The following DYSF variants were observed in gnomAD, a reference collection of about 807,000 sequenced individuals.
DYSF encodes dysferlin, also known as dystrophy-associated fer-1-like 1.
A neutral mutation model predicts 274.9 loss-of-function variants in DYSF; 212 were observed. The ratio of observed to expected loss-of-function variants is 0.77; its 90% CI spans 0.69 to 0.86. The LOEUF (loss-of-function observed/expected upper bound fraction) is 0.86, where lower values mean the gene tolerates loss of function less well. Among genes scored for constraint, DYSF ranks in the 40% least tolerant of loss-of-function variants. The pLI is 0.00. For missense variants in DYSF, 2,666 were observed against 2,783.2 expected, an observed-to-expected ratio of 0.96 and a Z score of 0.95; for synonymous variants, 1,091 against 1,078.7, an observed-to-expected ratio of 1.01 and a Z score of -0.22.
At chr2:71,629,205 A>G (rs573410514) in intron 41 of DYSF, among the ~76,000 whole-genome samples, 3 of 152,108 alleles carry the variant, frequency 2.0e-5, no homozygotes, top group African/African-American at 7.2e-5. Flanking sequence ...TGTTCACTTG[A>G]TCTTTAGCAG....
chr2:71,602,563 C>G (rs1215538344), intron 35 of DYSF: 2 of 543,026 alleles, frequency 3.7e-6, no homozygotes, highest in African/African-American at 3.8e-5. Flanking sequence ...ATCACACCTT[C>G]TTTCCCAGGG....
At chr2:71,492,302 C>A (rs2083922522) in intron 3 of DYSF, among the ~76,000 whole-genome samples, 1 of 152,190 alleles carries the variant, frequency 6.6e-6, no homozygotes, top group Non-Finnish European at 1.5e-5. Flanking sequence ...TCCTGCCCCT[C>A]ACTGCCTGGC....
In DYSF at chr2:71,571,715, A is replaced by T. The variant is rs573574232; in HGVS notation, c.3228+974A>T. Among the ~76,000 whole-genome samples, 460 of 137,530 alleles carry T rather than the reference A, an allele frequency of 3.3e-3. 3 individuals are homozygous for T. The highest frequency in any genetic ancestry group is 4.2e-3 in the Non-Finnish European group (268 of 64,122). The allele number at this position is 137,530 out of a possible 152,430, so 90.2% of individuals were successfully genotyped here. On this transcript the variant is annotated intron_variant, in intron 29 of 55. Transcript: ENST00000410020. ...CACATGCACAGATCACAGTCAGCAC[A>T]CACAGATCACACCCAGCACACACAC...
At chr2:71,552,513 G>A (rs1340166940) in intron 19 of DYSF, among the ~76,000 whole-genome samples, 1 of 152,222 alleles carries the variant, frequency 6.6e-6, no homozygotes, top group Admixed American at 6.5e-5. Flanking sequence ...CTCAGAGCCT[G>A]GAGGGGACAA....
chr2:71,664,246 C>T (rs756926505), intron 45 of DYSF, 22 bp from the exon 46 acceptor site: 39 of 1,613,554 alleles, frequency 2.4e-5, no homozygotes, highest in African/African-American at 1.2e-4. Context: ...TGGCTGACAT[C>T]GGGAATCTGC....
rs2092325617 is a variant in DYSF at position 71,569,920 on chromosome 2, A to G, written c.2965A>G (p.Asn989Asp). The change falls in exon 27 of 56, where the codon AAC becomes GAC. Residue 989 changes from asparagine (N) to aspartate (D), a missense_variant. Asn to Asp is a conservative substitution (Grantham distance 23). Transcript: ENST00000410020. ...AGGCCAGTGGATCTACATGAGTGAC[A>G]ACTACACCGATGTGGTAAAGCAGGC... ...PGGQWIYMSD[N>D]YTDVNGEKVL... The G allele has an allele frequency of 6.2e-7, 1 of 1,613,948 alleles. No homozygotes were observed. The highest frequency in any genetic ancestry group is 8.5e-7 in the Non-Finnish European group (1 of 1,179,984).
intron 55 of DYSF, 26 bp from the exon 56 acceptor site, chr2:71,686,428 G>A (rs763948953): frequency 6.2e-7 from 1 of 1,613,748 alleles, no homozygotes; most frequent in South Asian, 1.1e-5. Flanking sequence ...GATCACCATG[G>A]GTCCCTGTCT....
chr2:71,473,581 C>T (rs916283314), intron 1 of DYSF, among the ~76,000 whole-genome samples: 1 of 152,170 alleles, frequency 6.6e-6, no homozygotes, highest in Non-Finnish European at 1.5e-5. Flanking sequence ...TCTCTGTCCC[C>T]TCTCTAGGAG....
At chr2:71,620,295 T>C (rs1393395624) in intron 40 of DYSF, among the ~76,000 whole-genome samples, 1 of 152,226 alleles carries the variant, frequency 6.6e-6, no homozygotes, top group Admixed American at 6.5e-5. Context: ...TCATACTCAC[T>C]GTCGCCCTGT....
chr2:71,509,581 T>C (rs1036637931), intron 4 of DYSF, among the ~76,000 whole-genome samples: 7 of 152,346 alleles, frequency 4.6e-5, no homozygotes, highest in Admixed American at 1.3e-4. Flanking sequence ...CATTTCGTGG[T>C]CAGGAAAAGC....
At chr2:71,529,767 C>T (rs2088442021) in intron 14 of DYSF, among the ~76,000 whole-genome samples, 1 of 152,244 alleles carries the variant, frequency 6.6e-6, no homozygotes, top group Non-Finnish European at 1.5e-5. Context: ...CTGAAGAAGT[C>T]ATTTAGTTGG....
Position 71,516,944 on chromosome 2 carries a change from C to CA in DYSF, c.952-44dup, listed in dbSNP as rs530278138. The CA allele has an allele frequency of 7.9e-4, 1,272 of 1,600,478 alleles. 12 individuals are homozygous for CA. The African/African-American group carries it at 0.015, about 19-fold the overall frequency. On this transcript the variant is annotated intron_variant, in intron 9 of 55. Coordinates refer to ENST00000410020, the MANE Select transcript of DYSF (RefSeq NM_001130987.2). ...GAGCTATTGGGTTGGCCGTGTGGGCCACATGTTCCCTGTGAATGTGAGTTT... is the reference window on the plus strand; with the variant it reads ...GAGCTATTGGGTTGGCCGTGTGGGCCAACATGTTCCCTGTGAATGTGAGTTT...
chr2:71,490,224 A>C (rs2083719680), intron 3 of DYSF, among the ~76,000 whole-genome samples: 1 of 152,214 alleles, frequency 6.6e-6, no homozygotes, highest in African/African-American at 2.4e-5. Flanking sequence ...TATAAGTATA[A>C]AAGTGCATTT....
chr2:71,558,506 G>A (rs2091488467), intron 22 of DYSF, among the ~76,000 whole-genome samples: 1 of 152,192 alleles, frequency 6.6e-6, no homozygotes, highest in South Asian at 2.1e-4. Context: ...CACCACCTTG[G>A]GTGAGGTGGG....
chr2:71,453,922 A>G, exon 1 of DYSF: 4 of 1,443,866 alleles, frequency 2.8e-6, no homozygotes, highest in Non-Finnish European at 2.9e-6. Flanking sequence ...GGGGACCCAC[A>G]AGCGGCGCCT....
intron 41 of DYSF, among the ~76,000 whole-genome samples, chr2:71,621,031 C>A: frequency 6.6e-6 from 1 of 152,108 alleles, no homozygotes; most frequent in South Asian, 2.1e-4. Context: ...GACTGAGGAA[C>A]CCTGGCTGGC....
intron 40 of DYSF, among the ~76,000 whole-genome samples, chr2:71,618,069 G>GT (rs2093953997): frequency 2.4e-5 from 1 of 41,020 alleles, no homozygotes; most frequent in Non-Finnish European, 4.7e-5. Flanking sequence ...GTAGAGATGG[G>GT]GTGTGTGTGT....
chr2:71,613,340 T>G lies in DYSF; in HGVS notation c.4394T>G (p.Val1465Gly). The G allele has an allele frequency of 6.2e-7, 1 of 1,613,002 alleles. No individual in the cohort carries two copies. The highest frequency in any genetic ancestry group is 8.5e-7 in the Non-Finnish European group (1 of 1,179,604). ...SPSPQGGPDD[V>G]SLLSPGEDVL... ...ATGGCTCCCTCCCCTGCAGACGATG[T>G]GAGCCTACTCAGTCCTGGGGAAGAC... The change falls in exon 40 of 56, where the codon GTG becomes GGG. Residue 1465 changes from valine to glycine, a missense_variant. This residue lies in a region of DYSF where 1,460 missense variants were observed against 1,502.1 expected (regional missense o/e 0.97). Coordinates refer to ENST00000410020, the MANE Select transcript of DYSF (RefSeq NM_001130987.2).
intron 3 of DYSF, 111 bp downstream of exon 3, chr2:71,482,081 T>C (rs1178295775): frequency 2.4e-6 from 2 of 831,356 alleles, no homozygotes; most frequent in Middle Eastern, 3.5e-4. Flanking sequence ...AATTAGCATT[T>C]ATCCACCTCC....
Sources: allele counts gnomAD v4.1 joint callset (sites outside exome capture counted in the v4.1 genomes callset), GRCh38; gene constraint gnomAD v4.1.1; regional missense constraint gnomAD v4.1.1; transcripts MANE v1.5; gene names NCBI Gene and HGNC (gene_info 2026-07-23, HGNC 2026-07-21).